PKIB: variants seen among roughly 807,000 people sequenced by gnomAD.
PKIB encodes PKI-beta.
Under a neutral mutation model 4.5 loss-of-function variants are expected in PKIB, and 2 were observed. That is an observed-to-expected ratio of 0.44 (90% CI 0.18 to 1.39). The LOEUF (loss-of-function observed/expected upper bound fraction) is 1.39, where lower values mean the gene tolerates loss of function less well. PKIB is among the 40% of genes most tolerant of loss of function. PKIB has a pLI of 0.27. For synonymous variants in PKIB, 38 were observed against 36.0 expected, an observed-to-expected ratio of 1.06 and a Z score of -0.20; for missense variants, 94 against 92.6, an observed-to-expected ratio of 1.02 and a Z score of -0.06.
chr6:122,472,375 A>G (rs1267942), intron 1 of PKIB, among the ~76,000 whole-genome samples: 106,777 of 152,062 alleles, frequency 0.7, 37,617 homozygotes, highest in South Asian at 0.78. Flanking sequence ...TTAATTTCTT[A>G]TGCTATTAAG....
chr6:122,497,076 C>G (rs1180795334), intron 2 of PKIB, among the ~76,000 whole-genome samples: 2 of 152,178 alleles, frequency 1.3e-5, no homozygotes, highest in African/African-American at 4.8e-5. Flanking sequence ...CTATTTTCAG[C>G]ATTCTCAAAG....
At chr6:122,480,582 T>G (rs1258387751) in intron 2 of PKIB, 1 of 152,208 alleles carries the variant, frequency 6.6e-6, no homozygotes, top group African/African-American at 2.4e-5. Context: ...GAAAATGTAG[T>G]AATAGTGATC....
intron 2 of PKIB, among the ~76,000 whole-genome samples, chr6:122,553,276 T>G (rs1425569051): frequency 6.6e-6 from 1 of 151,824 alleles, no homozygotes; most frequent in Non-Finnish European, 1.5e-5. Context: ...AACTATTAGG[T>G]TGGTACAAAA....
intron 2 of PKIB, among the ~76,000 whole-genome samples, chr6:122,491,772 A>G (rs949429955): frequency 2.6e-5 from 4 of 152,244 alleles, no homozygotes; most frequent in Non-Finnish European, 4.4e-5. Flanking sequence ...TTATGACTCA[A>G]AAATATCAAG....
At chr6:122,498,294 C>T (rs1338358529) in intron 2 of PKIB, among the ~76,000 whole-genome samples, 1 of 152,122 alleles carries the variant, frequency 6.6e-6, no homozygotes, top group African/African-American at 2.4e-5. Flanking sequence ...AGGGAAAGTC[C>T]CATTTTTAAA....
At chr6:122,686,971 T>C (rs1778119134) in intron 3 of PKIB, among the ~76,000 whole-genome samples, 1 of 152,200 alleles carries the variant, frequency 6.6e-6, no homozygotes, top group South Asian at 2.1e-4. Flanking sequence ...TTTAACCTGA[T>C]GTGATCCCAT....
At chr6:122,576,777 T>C (rs1007041055) in intron 2 of PKIB, among the ~76,000 whole-genome samples, 2 of 148,444 alleles carry the variant, frequency 1.3e-5, no homozygotes, top group Non-Finnish European at 3.0e-5. Context: ...AGGAACTATT[T>C]AACATAGCAC....
At chr6:122,724,901 C>T (rs1444680915) in intron 4 of PKIB, among the ~76,000 whole-genome samples, 6 of 151,944 alleles carry the variant, frequency 3.9e-5, no homozygotes, top group Non-Finnish European at 7.4e-5. Context: ...CTGAGAATAC[C>T]CTAGAAGACT....
At chr6:122,484,841 G>T (rs570434254) in intron 2 of PKIB, among the ~76,000 whole-genome samples, 1 of 152,298 alleles carries the variant, frequency 6.6e-6, no homozygotes, top group Admixed American at 6.5e-5. Context: ...TTGTGGATGA[G>T]CTGCAGCCTG....
chr6:122,719,059 A>T (rs943486279), intron 4 of PKIB, among the ~76,000 whole-genome samples: 1 of 152,204 alleles, frequency 6.6e-6, no homozygotes, highest in African/African-American at 2.4e-5. Context: ...TTTAAGTTTG[A>T]AAATGTAATA....
chr6:122,609,961 A>G (rs1425461462), upstream of PKIB, among the ~76,000 whole-genome samples: 1 of 152,170 alleles, frequency 6.6e-6, no homozygotes, highest in Non-Finnish European at 1.5e-5. Context: ...CCAACATTAG[A>G]TCAAAGGGCA....
intron 2 of PKIB, among the ~76,000 whole-genome samples, chr6:122,512,177 A>G (rs1562234949): frequency 1.3e-5 from 2 of 152,206 alleles, no homozygotes; most frequent in Non-Finnish European, 2.9e-5. Context: ...AGTAATATAA[A>G]ATGCATTTTA....
At chr6:122,501,272 C>T (rs901950345) in intron 2 of PKIB, among the ~76,000 whole-genome samples, 1 of 152,196 alleles carries the variant, frequency 6.6e-6, no homozygotes, top group African/African-American at 2.4e-5. Context: ...AAGTTAGTTA[C>T]TTCCAATATA....
At chr6:122,710,127 T>C (rs972155056) in intron 3 of PKIB, among the ~76,000 whole-genome samples, 3 of 152,176 alleles carry the variant, frequency 2.0e-5, no homozygotes, top group African/African-American at 7.2e-5. Flanking sequence ...TTGATTGTAT[T>C]AAGCAGATAT....
chr6:122,485,922 A>AT (rs576573791), intron 2 of PKIB, among the ~76,000 whole-genome samples: 112 of 152,122 alleles, frequency 7.4e-4, no homozygotes, highest in African/African-American at 2.5e-3. Context: ...TCTCTCTTCT[A>AT]TTTTTTTGTC....
intron 1 of PKIB, among the ~76,000 whole-genome samples, chr6:122,613,021 A>C (rs1774825428): frequency 6.6e-6 from 1 of 152,206 alleles, no homozygotes; most frequent in Non-Finnish European, 1.5e-5. Flanking sequence ...GAGGTACAGC[A>C]AACACTTTTG....
intron 3 of PKIB, among the ~76,000 whole-genome samples, chr6:122,703,816 A>C (rs1778929947): frequency 6.7e-6 from 1 of 150,132 alleles, no homozygotes; most frequent in Non-Finnish European, 1.5e-5. Context: ...GTATATATGT[A>C]AAAGCTATAT....
chr6:122,697,610 A>T (rs991687170), intron 3 of PKIB, among the ~76,000 whole-genome samples: 4 of 152,074 alleles, frequency 2.6e-5, no homozygotes, highest in Non-Finnish European at 4.4e-5. Context: ...GAGACTAACC[A>T]ATGCTTGTGG....
intron 3 of PKIB, among the ~76,000 whole-genome samples, chr6:122,600,754 T>TA (rs1774337572): frequency 6.6e-6 from 1 of 151,962 alleles, no homozygotes. Flanking sequence ...CCATAAATGA[T>TA]AAAATCATGA....
Sources: allele counts gnomAD v4.1 joint callset (sites outside exome capture counted in the v4.1 genomes callset), GRCh38; gene constraint gnomAD v4.1.1; transcripts MANE v1.5; gene names NCBI Gene and HGNC (gene_info 2026-07-23, HGNC 2026-07-21).